The following IGFBP2 variants were observed in gnomAD, a reference collection of about 807,000 sequenced individuals.
The protein encoded by IGFBP2 is insulin like growth factor binding protein 2.
A neutral mutation model predicts 26.2 loss-of-function variants in IGFBP2; 12 were observed. The observed-to-expected ratio is 0.46, with a 90% CI of 0.29 to 0.74. The LOEUF is 0.74. Among genes scored for constraint, IGFBP2 ranks in the 30% least tolerant of loss-of-function variants. IGFBP2 has a pLI of 0.09. For synonymous variants in IGFBP2, 189 were observed against 200.6 expected (o/e 0.94, Z 0.49); for missense variants, 328 against 441.2 (o/e 0.74, Z 2.30).
At chr2:216,659,053 G>C (rs1574566847) in intron 1 of IGFBP2, among the ~76,000 whole-genome samples, 1 of 152,120 alleles carries the variant, frequency 6.6e-6, no homozygotes, top group African/African-American at 2.4e-5. Flanking sequence ...CTGCTACCCT[G>C]GGGACGGCGT....
At chr2:216,637,606 C>G (rs934085385) in intron 1 of IGFBP2, among the ~76,000 whole-genome samples, 1 of 152,190 alleles carries the variant, frequency 6.6e-6, no homozygotes, top group Non-Finnish European at 1.5e-5. Context: ...GGTTCGAGAA[C>G]AGAAAAATTC....
chr2:216,659,523 T>G, intron 1 of IGFBP2: 1 of 597,940 alleles, frequency 1.7e-6, no homozygotes, highest in South Asian at 1.8e-5. Context: ...CCTGCCCTTC[T>G]GGAGCTTGCT....
At chr2:216,636,937 G>GGGCA (rs1697510050) in intron 1 of IGFBP2, among the ~76,000 whole-genome samples, 1 of 145,392 alleles carries the variant, frequency 6.9e-6, no homozygotes, top group Non-Finnish European at 1.5e-5. Flanking sequence ...GCGGGCGGGC[G>GGGCA]GGCGGGCGGG....
At chr2:216,661,697 C>T (rs911235718) in intron 2 of IGFBP2, 161 bp from the exon 3 acceptor site, 8 of 793,854 alleles carry the variant, frequency 1.0e-5, no homozygotes, top group Non-Finnish European at 1.3e-5. Flanking sequence ...GCAGGGAGAT[C>T]CCCGGGCAGG....
intron 3 of IGFBP2, chr2:216,663,602 TC>T (rs369731136): frequency 7.0e-4 from 167 of 238,048 alleles, no homozygotes; most frequent in African/African-American, 3.4e-3. Context: ...GTATGCTGGG[TC>T]CCCCCCACTG....
At chr2:216,634,543 T>C (rs891647792) in intron 1 of IGFBP2, among the ~76,000 whole-genome samples, 37 of 152,286 alleles carry the variant, frequency 2.4e-4, no homozygotes, top group Admixed American at 3.9e-4. Context: ...AAACCACCAC[T>C]ACTATTTCTC....
chr2:216,662,190 G>A lies in IGFBP2; in HGVS notation c.813+192G>A, dbSNP rs1421147389. ...GGGTGCAGCTCTTCTCCCTGCCTCCGACGGGTCAGTTGCTGGCTCCACTTG... is the reference window on the plus strand; with the variant it reads ...GGGTGCAGCTCTTCTCCCTGCCTCCAACGGGTCAGTTGCTGGCTCCACTTG... On this transcript the variant is annotated intron_variant, in intron 3 of 3. Transcript: ENST00000233809. The A allele has an allele frequency of 1.1e-5, 7 of 637,172 alleles. No individual in the cohort carries two copies. The East Asian group carries it at 1.1e-4, about 10-fold the overall frequency. The allele number at this position is 637,172 out of a possible 1,614,324, so 39.5% of individuals were successfully genotyped here.
chr2:216,658,110 T>A (rs936429992), intron 1 of IGFBP2, among the ~76,000 whole-genome samples: 26 of 152,170 alleles, frequency 1.7e-4, no homozygotes, highest in African/African-American at 6.3e-4. Flanking sequence ...ACCCGGAGTT[T>A]GTATGTTTTG....
chr2:216,662,071 C>T (rs570246414), intron 3 of IGFBP2, 73 bp downstream of exon 3: 2 of 1,522,522 alleles, frequency 1.3e-6, no homozygotes, highest in African/African-American at 1.4e-5. Flanking sequence ...TTGTTTCTGC[C>T]CCACCCGCCT....
Position 216,650,333 on chromosome 2 carries a change from C to T in IGFBP2, c.443-10224C>T, listed in dbSNP as rs1018506827. On this transcript the variant is annotated intron_variant, in intron 1 of 3. Coordinates refer to ENST00000233809, the MANE Select transcript of IGFBP2 (RefSeq NM_000597.3). ...TGCGCAAGTTGAACACCCTGCTTAG[C>T]GTCACTCAGAATCCCAGGGGTGGTG... 4.8e-4 allele frequency among the ~76,000 whole-genome samples: 73 copies of T among 152,334 alleles called. No individual in the cohort carries two copies. In the Middle Eastern group the frequency reaches 0.01, roughly 21 times the overall value.
intron 1 of IGFBP2, among the ~76,000 whole-genome samples, chr2:216,653,179 T>G (rs1054917495): frequency 1.3e-5 from 2 of 152,206 alleles, no homozygotes; most frequent in African/African-American, 4.8e-5. Context: ...TTTAGATTCT[T>G]GGGGCTTAGT....
intron 1 of IGFBP2, among the ~76,000 whole-genome samples, chr2:216,658,912 C>G (rs1697974128): frequency 6.6e-6 from 1 of 152,186 alleles, no homozygotes; most frequent in Non-Finnish European, 1.5e-5. Context: ...GAAGAAAGAA[C>G]TGTTATTATC....
intron 1 of IGFBP2, among the ~76,000 whole-genome samples, chr2:216,648,847 T>C (rs1219167756): frequency 6.6e-6 from 1 of 152,188 alleles, no homozygotes; most frequent in Non-Finnish European, 1.5e-5. Context: ...GACCTCGTGA[T>C]CCACCTGTCT....
intron 1 of IGFBP2, among the ~76,000 whole-genome samples, chr2:216,648,888 T>G (rs577573099): frequency 6.6e-6 from 1 of 152,286 alleles, no homozygotes; most frequent in Non-Finnish European, 1.5e-5. Context: ...ATTACAGGCA[T>G]GAGCCACCGC....
chr2:216,663,800 C>T (rs1243129090), intron 3 of IGFBP2, 140 bp from the exon 4 acceptor site: 14 of 763,622 alleles, frequency 1.8e-5, no homozygotes, highest in Middle Eastern at 2.8e-4. Context: ...GGTTTCCTGG[C>T]GCATATTTGA....
intron 1 of IGFBP2, chr2:216,659,470 C>T (rs372152089): frequency 1.3e-5 from 7 of 536,604 alleles, no homozygotes; most frequent in East Asian, 1.3e-4. Context: ...GGCTGTTTGC[C>T]GTGTCTCCAA....
intron 1 of IGFBP2, among the ~76,000 whole-genome samples, chr2:216,647,697 T>C (rs1697737795): frequency 6.6e-6 from 1 of 150,868 alleles, no homozygotes; most frequent in Admixed American, 6.6e-5. Context: ...TTTTTTGTAT[T>C]TTTTAGTAGA....
In IGFBP2 at chr2:216,633,481, C is replaced by G. The variant is rs1391612002; in HGVS notation, c.-43C>G. Reference sequence around the variant, plus strand: ...GGGCCGTGCCACCTGCCCGCCCGCCCGCTCGCTCGCTCGCCCGCCGCGCCG... The same window carrying G: ...GGGCCGTGCCACCTGCCCGCCCGCCGGCTCGCTCGCTCGCCCGCCGCGCCG... On this transcript the variant is annotated 5_prime_UTR_variant, in exon 1 of 4. Transcript: ENST00000233809. The G allele has an allele frequency of 2.0e-6, 1 of 493,964 alleles. No individual in the cohort carries two copies. Among genetic ancestry groups the G allele is most frequent in the African/African-American group, 2.1e-5 (1 of 47,522 alleles). 30.6% of individuals were successfully genotyped at this position (493,964 alleles called of 1,614,324 possible).
At chr2:216,661,588 A>G (rs1461108201) in intron 2 of IGFBP2, 1 of 541,974 alleles carries the variant, frequency 1.8e-6, no homozygotes, top group Non-Finnish European at 3.4e-6. Flanking sequence ...GGCAGAGCCC[A>G]TTCTGACACA....
Sources: allele counts gnomAD v4.1 joint callset (sites outside exome capture counted in the v4.1 genomes callset), GRCh38; gene constraint gnomAD v4.1.1; transcripts MANE v1.5; gene names NCBI Gene and HGNC (gene_info 2026-07-23, HGNC 2026-07-21).